The following ZNF438 variants were observed in gnomAD, a reference collection of about 807,000 sequenced individuals.
ZNF438 encodes the protein zinc finger protein 438.
A neutral mutation model predicts 38.0 loss-of-function variants in ZNF438; 25 were observed. The ratio of observed to expected loss-of-function variants is 0.66; its 90% CI spans 0.48 to 0.92. The LOEUF is 0.92. Ranked by LOEUF, ZNF438 falls within the 40% of genes least tolerant of loss-of-function variation. The probability of loss-of-function intolerance (pLI) is 0.00; values close to 1 mark genes in which losing one functional copy is unlikely to be tolerated. For synonymous variants in ZNF438, 372 were observed against 364.1 expected (o/e 1.02, Z -0.25); for missense variants, 1,007 against 999.6 (o/e 1.01, Z -0.10).
At chr10:30,847,627 G>A (rs1373911047) in intron 5 of ZNF438, among the ~76,000 whole-genome samples, 6 of 152,206 alleles carry the variant, frequency 3.9e-5, no homozygotes, top group Admixed American at 1.3e-4. Flanking sequence ...GAAGAGCTGC[G>A]GCCCTTTGGG....
intron 3 of ZNF438, among the ~76,000 whole-genome samples, chr10:30,904,880 A>AG (rs961365029): frequency 3.3e-4 from 50 of 152,314 alleles, no homozygotes; most frequent in African/African-American, 1.2e-3. Flanking sequence ...TCCCTGACCT[A>AG]GGTTCAGATA....
At chr10:30,869,646 T>G (rs889059185) in intron 4 of ZNF438, among the ~76,000 whole-genome samples, 2 of 152,190 alleles carry the variant, frequency 1.3e-5, no homozygotes, top group Non-Finnish European at 2.9e-5. Context: ...TGGTATTTTG[T>G]AGAAGTTATT....
chr10:30,921,523 C>T (rs1361702332), intron 2 of ZNF438, among the ~76,000 whole-genome samples: 1 of 152,068 alleles, frequency 6.6e-6, no homozygotes, highest in Non-Finnish European at 1.5e-5. Context: ...TTTCTGGCTC[C>T]CTCCCAAAAT....
At chr10:31,000,693 T>C (rs1277692300) in intron 1 of ZNF438, among the ~76,000 whole-genome samples, 1 of 151,940 alleles carries the variant, frequency 6.6e-6, no homozygotes, top group Non-Finnish European at 1.5e-5. Context: ...GCCAGAACTG[T>C]GCATAATGTA....
intron 1 of ZNF438, among the ~76,000 whole-genome samples, chr10:31,002,290 G>C (rs924040495): frequency 2.0e-5 from 3 of 152,248 alleles, no homozygotes; most frequent in Middle Eastern, 3.4e-3. Context: ...AAAATACTTT[G>C]TTTACTTATG....
Position 30,849,880 on chromosome 10 carries a change from TG to T in ZNF438, c.524del (p.Pro175HisfsTer8). On this transcript the variant is annotated frameshift_variant, in exon 5 of 6. Transcript: ENST00000413025. LOFTEE classifies it high-confidence loss of function. ...GCTCTAGTGATGGTACTTCCTCAAA[TG>T]GACTGGGTTTGTACAGGAGTTCAGG... 1 of 1,614,104 alleles carries T rather than the reference TG, an allele frequency of 6.2e-7. No individual in the cohort carries two copies. The highest frequency in any genetic ancestry group is 1.1e-5 in the South Asian group (1 of 91,076).
intron 4 of ZNF438, among the ~76,000 whole-genome samples, chr10:30,851,700 T>C (rs976692529): frequency 1.2e-4 from 18 of 152,268 alleles, no homozygotes; most frequent in Admixed American, 5.2e-4. Context: ...TTAAATTGTC[T>C]TTATTTCAGT....
At position 31,025,607 on chromosome 10, in the gene ZNF438, A is replaced by G. The variant is rs139343175; in HGVS notation, c.-192+6226T>C. Among the ~76,000 whole-genome samples the G allele has an allele frequency of 2.0e-3, 305 of 152,310 alleles. 7 individuals are homozygous for G. The highest frequency in any genetic ancestry group is 3.1e-4 in the Non-Finnish European group (21 of 68,028). ...CTTGAAGAATAATAGCTACGTAGTTATGGTTAAATTATTCCTTTCATCGAC... is the reference window on the plus strand; with the variant it reads ...CTTGAAGAATAATAGCTACGTAGTTGTGGTTAAATTATTCCTTTCATCGAC... On this transcript the variant is annotated intron_variant, in intron 1 of 5. Coordinates refer to ENST00000413025, the Ensembl canonical transcript of ZNF438.
At chr10:30,851,519 G>A (rs552591016) in intron 4 of ZNF438, among the ~76,000 whole-genome samples, 33 of 152,198 alleles carry the variant, frequency 2.2e-4, no homozygotes, top group Non-Finnish European at 4.7e-4. Flanking sequence ...GAAATTTTTG[G>A]AGGAAGATGT....
intron 3 of ZNF438, among the ~76,000 whole-genome samples, chr10:30,890,759 A>G (rs2040578878): frequency 6.6e-6 from 1 of 152,264 alleles, no homozygotes; most frequent in Non-Finnish European, 1.5e-5. Flanking sequence ...CCTCAGAGAC[A>G]TGCACTCTCA....
At position 30,909,776 on chromosome 10, in the gene ZNF438, T is replaced by C. The variant is rs187695260; in HGVS notation, c.-114-761A>G. On this transcript the variant is annotated intron_variant, in intron 2 of 5. Transcript: ENST00000413025. ...AAAGTTAAGTATGGCAAAGGTGTTT[T>C]AGAAGCAGCTGTGCCTTAAGCAGTC... 4.2e-3 allele frequency among the ~76,000 whole-genome samples: 645 copies of C among 152,318 alleles called. 10 individuals carry two copies. Among genetic ancestry groups the C allele is most frequent in the Non-Finnish European group, 4.1e-3 (276 of 68,016 alleles).
intron 4 of ZNF438, among the ~76,000 whole-genome samples, chr10:30,876,010 A>C (rs763414381): frequency 6.6e-6 from 1 of 152,238 alleles, no homozygotes; most frequent in Non-Finnish European, 1.5e-5. Context: ...TATCCTATAG[A>C]GTGGAACTTA....
Position 30,893,458 on chromosome 10 carries a change from A to G in ZNF438, c.-32+15475T>C, listed in dbSNP as rs1357371042. Among the ~76,000 whole-genome samples the G allele has an allele frequency of 5.9e-5, 9 of 152,202 alleles. No homozygotes were observed. In the East Asian group the frequency reaches 1.5e-3, roughly 26 times the overall value. The stretch of plus-strand genomic sequence containing the variant: ...GCATGACACATTAGTTTGTATCAAC[A>G]TTTTCTTGCTATGAAAACAACTTGA... On this transcript the variant is annotated intron_variant, in intron 3 of 5. Coordinates refer to ENST00000413025, the Ensembl canonical transcript of ZNF438.
At chr10:30,847,791 C>G (rs2032591094) in intron 5 of ZNF438, among the ~76,000 whole-genome samples, 1 of 152,256 alleles carries the variant, frequency 6.6e-6, no homozygotes, top group South Asian at 2.1e-4. Flanking sequence ...CTGGAGCTGC[C>G]TGGCCTGCAG....
intron 1 of ZNF438, among the ~76,000 whole-genome samples, chr10:30,962,294 A>G (rs1442492661): frequency 6.8e-6 from 1 of 147,240 alleles, no homozygotes; most frequent in African/African-American, 2.4e-5. Flanking sequence ...CTTGTAAGTT[A>G]CTCACTTTCC....
Position 30,872,329 on chromosome 10 carries a change from G to A in ZNF438, c.37+4669C>T, listed in dbSNP as rs184388335. 6.0e-5 allele frequency among the ~76,000 whole-genome samples: 9 copies of A among 150,526 alleles called. No individual in the cohort carries two copies. In the East Asian group the frequency reaches 1.8e-3, roughly 30 times the overall value. On this transcript the variant is annotated intron_variant, in intron 4 of 5. Coordinates refer to ENST00000413025, the Ensembl canonical transcript of ZNF438. The stretch of plus-strand genomic sequence containing the variant: ...TAGTCCCAGCTATTCGGGAGGCTGA[G>A]GCAGAAGAATCACTTGAACCCGGGA...
chr10:31,010,886 C>T, intron 1 of ZNF438, among the ~76,000 whole-genome samples: 1 of 89,960 alleles, frequency 1.1e-5, no homozygotes, highest in Non-Finnish European at 1.9e-5. Context: ...AAGTGAGACC[C>T]TGTTTGAAAA....
intron 1 of ZNF438, among the ~76,000 whole-genome samples, chr10:30,972,521 CTA>C (rs2050859805): frequency 6.6e-6 from 1 of 152,308 alleles, no homozygotes; most frequent in African/African-American, 2.4e-5. Flanking sequence ...TGTGTATGAA[CTA>C]TGTCACAAAA....
chr10:30,960,004 G>T lies in ZNF438; in HGVS notation c.-191-18353C>A, dbSNP rs971903766. 3.2e-4 allele frequency among the ~76,000 whole-genome samples: 47 copies of T among 147,072 alleles called. 2 individuals are homozygous for T. Among genetic ancestry groups the T allele is most frequent in the African/African-American group, 1.1e-3 (45 of 41,156 alleles). On this transcript the variant is annotated intron_variant, in intron 1 of 5. Transcript: ENST00000413025. The stretch of plus-strand genomic sequence containing the variant: ...TAATCTCATTGTGGTATCTCATTGT[G>T]TTTTTAATGTGTATCTTCCTAATGA...
Sources: allele counts gnomAD v4.1 joint callset (sites outside exome capture counted in the v4.1 genomes callset), GRCh38; gene constraint gnomAD v4.1.1; transcripts MANE v1.5; gene names NCBI Gene and HGNC (gene_info 2026-07-23, HGNC 2026-07-21).